ZMPSTE24: variants seen among roughly 807,000 people sequenced by gnomAD.
ZMPSTE24 encodes the protein CAAX prenyl protease 1 homolog.
ZMPSTE24 carries 48 observed loss-of-function variants against 56.7 expected under a neutral mutation model. That is an observed-to-expected ratio of 0.85 (90% confidence interval 0.67 to 1.08). The LOEUF is 1.08. Among genes scored for constraint, ZMPSTE24 ranks in the 50% least tolerant of loss-of-function variants. The pLI is 0.00. For synonymous variants in ZMPSTE24, 172 were observed against 195.2 expected, an observed-to-expected ratio of 0.88 and a Z score of 0.99; for missense variants, 503 against 548.7, an observed-to-expected ratio of 0.92 and a Z score of 0.83.
chr1:40,277,642 T>A (rs1426226361), intron 6 of ZMPSTE24, among the ~76,000 whole-genome samples: 1 of 152,076 alleles, frequency 6.6e-6, no homozygotes, highest in East Asian at 1.9e-4. Flanking sequence ...CTTCAGATAG[T>A]GTTTAATAAA....
intron 6 of ZMPSTE24, among the ~76,000 whole-genome samples, chr1:40,273,537 AATATATATATATATATAT>A (rs71577619): frequency 3.2e-4 from 4 of 12,388 alleles, no homozygotes; most frequent in African/African-American, 7.4e-4. Context: ...AAAAAAAAAA[AATATATATATATATATAT>A]ATATATATAT....
At position 40,285,987 on chromosome 1, in the gene ZMPSTE24, C is replaced by T; in HGVS notation, c.1017C>T (p.His339=). The change falls in exon 8 of 10, where the codon CAC becomes CAT. Residue 339 remains histidine, a synonymous_variant. Coordinates refer to ENST00000372759, the MANE Select transcript of ZMPSTE24 (RefSeq NM_005857.5). ...VLAVLGHELG[H]WKLGHTVKNI... The stretch of plus-strand genomic sequence containing the variant: ...CTGTACTAGGCCATGAACTGGGGCA[C>T]TGGAAGTTGGGACATACAGTCAAAA... 1 of 1,613,814 alleles carries T rather than the reference C, an allele frequency of 6.2e-7. No individual in the cohort carries two copies. The highest frequency in any genetic ancestry group is 1.1e-5 in the South Asian group (1 of 91,068).
At chr1:40,261,125 C>CA (rs1157559324) in intron 2 of ZMPSTE24, 140 bp downstream of exon 2, 19 of 1,031,396 alleles carry the variant, frequency 1.8e-5, no homozygotes, top group Non-Finnish European at 2.5e-5. Context: ...GGCTGTGGAG[C>CA]AAAAAAGACA....
At chr1:40,287,724 A>T (rs920513861) in intron 8 of ZMPSTE24, among the ~76,000 whole-genome samples, 1 of 151,934 alleles carries the variant, frequency 6.6e-6, no homozygotes, top group Non-Finnish European at 1.5e-5. Flanking sequence ...TGTAGAAAAT[A>T]CAAAAAGAAA....
At chr1:40,285,533 A>G (rs1352564031) in intron 7 of ZMPSTE24, among the ~76,000 whole-genome samples, 1 of 152,222 alleles carries the variant, frequency 6.6e-6, no homozygotes, top group African/African-American at 2.4e-5. Flanking sequence ...AGCCACTGCA[A>G]TTGGCCCTAA....
At chr1:40,275,373 G>A (rs1488499066) in intron 6 of ZMPSTE24, among the ~76,000 whole-genome samples, 1 of 151,916 alleles carries the variant, frequency 6.6e-6, no homozygotes, top group Admixed American at 6.6e-5. Context: ...GGCGGAGGTT[G>A]CAGTGAGTCA....
intron 4 of ZMPSTE24, 101 bp downstream of exon 4, chr1:40,268,636 A>G: frequency 1.2e-6 from 1 of 822,414 alleles, no homozygotes; most frequent in Non-Finnish European, 1.9e-6. Context: ...ATTTCAGAGT[A>G]TGAATTGAGA....
rs182144502 is a variant in ZMPSTE24 at position 40,265,431 on chromosome 1, T to G, written c.271-2355T>G. ...GGGAGCCTTTTGAAAAGCAATTTAT[T>G]GGGGCTGAGTGCAGTAGCTCATGCC... On this transcript the variant is annotated intron_variant, in intron 2 of 9. Coordinates refer to ENST00000372759, the MANE Select transcript of ZMPSTE24 (RefSeq NM_005857.5). 9.9e-5 allele frequency among the ~76,000 whole-genome samples: 15 copies of G among 152,230 alleles called. No homozygotes were observed. In the East Asian group the frequency reaches 2.7e-3, roughly 27 times the overall value.
At chr1:40,284,221 G>A (rs756908511) in intron 7 of ZMPSTE24, among the ~76,000 whole-genome samples, 23 of 150,622 alleles carry the variant, frequency 1.5e-4, no homozygotes, top group South Asian at 4.2e-4. Flanking sequence ...CAGAGTGCTG[G>A]CATTACAGGC....
chr1:40,286,439 G>T (rs1353314997), intron 8 of ZMPSTE24, among the ~76,000 whole-genome samples: 1 of 151,996 alleles, frequency 6.6e-6, no homozygotes, highest in Non-Finnish European at 1.5e-5. Context: ...AATTTTTTTT[G>T]AGACAGAGTC....
intron 8 of ZMPSTE24, among the ~76,000 whole-genome samples, chr1:40,286,758 A>C (rs1372402655): frequency 1.4e-4 from 15 of 109,726 alleles, no homozygotes; most frequent in Middle Eastern, 8.9e-3. Flanking sequence ...ATGGAGTTTC[A>C]CTCTTGTTGC....
chr1:40,271,794 G>T, intron 5 of ZMPSTE24, 100 bp from the exon 6 acceptor site: 1 of 1,343,552 alleles, frequency 7.4e-7, no homozygotes, highest in Non-Finnish European at 1.0e-6. Flanking sequence ...TCTCAAGTTT[G>T]AGGTCAACAT....
chr1:40,267,671 T>G, intron 2 of ZMPSTE24, 115 bp from the exon 3 acceptor site: 2 of 855,906 alleles, frequency 2.3e-6, no homozygotes, highest in East Asian at 2.6e-5. Context: ...TACTGGCCTC[T>G]TTTGTTTTTT....
intron 8 of ZMPSTE24, among the ~76,000 whole-genome samples, chr1:40,288,319 C>T (rs1362683328): frequency 6.6e-6 from 1 of 152,108 alleles, no homozygotes; most frequent in Non-Finnish European, 1.5e-5. Flanking sequence ...ATACATGGCA[C>T]TGAGTAAGAT....
chr1:40,262,860 C>G, intron 2 of ZMPSTE24: 2 of 1,155,748 alleles, frequency 1.7e-6, no homozygotes, highest in Non-Finnish European at 2.2e-6. Flanking sequence ...AACAACTTAA[C>G]AACACTACCT....
chr1:40,263,198 C>T (rs1439547096), intron 2 of ZMPSTE24, among the ~76,000 whole-genome samples: 1 of 152,164 alleles, frequency 6.6e-6, no homozygotes, highest in African/African-American at 2.4e-5. Flanking sequence ...AGGGAGAATA[C>T]ATATATAAAG....
intron 7 of ZMPSTE24, among the ~76,000 whole-genome samples, chr1:40,283,824 G>C (rs1027273146): frequency 6.6e-6 from 1 of 151,518 alleles, no homozygotes; most frequent in African/African-American, 2.4e-5. Flanking sequence ...TGCTGGATTT[G>C]TTATACTGAA....
chr1:40,262,414 CTT>C (rs1294025782), intron 2 of ZMPSTE24, among the ~76,000 whole-genome samples: 2 of 152,052 alleles, frequency 1.3e-5, no homozygotes, highest in Non-Finnish European at 2.9e-5. Context: ...TCAATAAAGA[CTT>C]GGCTTTAGTT....
At chr1:40,264,069 C>T (rs184728873) in intron 2 of ZMPSTE24, among the ~76,000 whole-genome samples, 33 of 152,262 alleles carry the variant, frequency 2.2e-4, no homozygotes, top group Admixed American at 1.8e-3. Flanking sequence ...CGGTGGCTCA[C>T]GCCTGTATTC....
Sources: allele counts gnomAD v4.1 joint callset (sites outside exome capture counted in the v4.1 genomes callset), GRCh38; gene constraint gnomAD v4.1.1; transcripts MANE v1.5; gene names NCBI Gene and HGNC (gene_info 2026-07-23, HGNC 2026-07-21).